Variants in MYLK observed in about 807,000 individuals in gnomAD.
MYLK encodes the protein myosin light chain kinase, smooth muscle.
A neutral mutation model predicts 203.4 loss-of-function variants in MYLK; 106 were observed. The observed-to-expected ratio is 0.52, with a 90% CI of 0.45 to 0.61. The LOEUF (loss-of-function observed/expected upper bound fraction) is 0.61, where lower values mean the gene tolerates loss of function less well. MYLK is among the 20% of genes least tolerant of loss of function. MYLK has a pLI of 0.00. For synonymous variants in MYLK, 867 were observed against 959.5 expected (o/e 0.90, Z 1.78); for missense variants, 2,072 against 2,442.3 (o/e 0.85, Z 3.20).
chr3:123,771,549 G>A (rs901453379), intron 4 of MYLK, among the ~76,000 whole-genome samples: 1 of 151,996 alleles, frequency 6.6e-6, no homozygotes, highest in Admixed American at 6.5e-5. Context: ...TCTAGTCTTT[G>A]ATTTTGCGAG....
intron 2 of MYLK, among the ~76,000 whole-genome samples, chr3:123,853,050 T>C (rs2031002567): frequency 6.6e-6 from 1 of 152,044 alleles, no homozygotes; most frequent in Non-Finnish European, 1.5e-5. Context: ...TAGCACACCT[T>C]ATCTTGTCAA....
At chr3:123,869,677 C>G (rs2032607825) in intron 2 of MYLK, among the ~76,000 whole-genome samples, 1 of 152,166 alleles carries the variant, frequency 6.6e-6, no homozygotes, top group South Asian at 2.1e-4. Context: ...CCTCTGTCAG[C>G]CCAGGAGAGA....
chr3:123,620,425 C>T, intron 31 of MYLK, 89 bp from the exon 32 acceptor site: 1 of 1,602,448 alleles, frequency 6.2e-7, no homozygotes, highest in Non-Finnish European at 8.5e-7. Context: ...GAGCCCAGCC[C>T]CAGAGAAGCA....
chr3:123,827,652 T>C (rs1363150675), intron 3 of MYLK, among the ~76,000 whole-genome samples: 3 of 126,912 alleles, frequency 2.4e-5, no homozygotes, highest in African/African-American at 5.9e-5. Flanking sequence ...CAAGAAATGC[T>C]CAAGGGATTC....
intron 4 of MYLK, among the ~76,000 whole-genome samples, chr3:123,766,681 G>A (rs1034313026): frequency 7.2e-5 from 11 of 152,266 alleles, no homozygotes; most frequent in African/African-American, 1.2e-4. Context: ...ATTCCAGGTC[G>A]TGCCAGCACA....
At chr3:123,793,149 G>T (rs903318226) in intron 4 of MYLK, among the ~76,000 whole-genome samples, 10 of 152,182 alleles carry the variant, frequency 6.6e-5, no homozygotes, top group Non-Finnish European at 1.2e-4. Context: ...TGTAGAAGAA[G>T]AAGTGGAGTC....
intron 2 of MYLK, among the ~76,000 whole-genome samples, chr3:123,844,180 T>C (rs931712393): frequency 3.9e-5 from 6 of 152,066 alleles, no homozygotes; most frequent in Non-Finnish European, 7.4e-5. Flanking sequence ...AGGACCTTGG[T>C]TTGGGGGAGG....
At position 123,666,210 on chromosome 3, in the gene MYLK, G is replaced by A. The variant is rs200743309; in HGVS notation, c.3831+9C>T. On this transcript the variant is annotated intron_variant, in intron 22 of 33. Transcript: ENST00000360304. The stretch of plus-strand genomic sequence containing the variant: ...GCACCCCCAGTGCCCACCCCATACC[G>A]TCACTGACCTGCTTTCGGAACTTCA... 1.5e-5 allele frequency: 25 copies of A among 1,614,036 alleles called. 1 individual carries two copies. Among genetic ancestry groups the A allele is most frequent in the South Asian group, 1.4e-4 (13 of 91,086 alleles).
At chr3:123,696,008 C>T (rs2060909920) in intron 18 of MYLK, among the ~76,000 whole-genome samples, 1 of 152,146 alleles carries the variant, frequency 6.6e-6, no homozygotes, top group African/African-American at 2.4e-5. Context: ...TCTAGGGGTA[C>T]AGGAAGAGGA....
chr3:123,827,067 A>G (rs994515278), intron 3 of MYLK, among the ~76,000 whole-genome samples: 1 of 152,238 alleles, frequency 6.6e-6, no homozygotes, highest in Admixed American at 6.5e-5. Flanking sequence ...ACAGAATCCA[A>G]TCATAAGGAA....
At chr3:123,774,708 A>G (rs916443748) in intron 4 of MYLK, among the ~76,000 whole-genome samples, 1 of 152,146 alleles carries the variant, frequency 6.6e-6, no homozygotes, top group Non-Finnish European at 1.5e-5. Context: ...GTTAAACACC[A>G]CACCCTTATT....
At chr3:123,792,474 C>G (rs1330353838) in intron 4 of MYLK, among the ~76,000 whole-genome samples, 1 of 152,146 alleles carries the variant, frequency 6.6e-6, no homozygotes. Context: ...CTGGTGACCA[C>G]CTTTCTACTT....
At position 123,691,218 on chromosome 3, in the gene MYLK, G is replaced by A. The variant is rs571187439; in HGVS notation, c.3565+1517C>T. 3.3e-5 allele frequency: 5 copies of A among 152,208 alleles called. No individual in the cohort carries two copies. The East Asian group carries it at 7.7e-4, about 24-fold the overall frequency. The allele number at this position is 152,208 out of a possible 1,614,324, so 9.4% of individuals were successfully genotyped here. On this transcript the variant is annotated intron_variant, in intron 19 of 33. Coordinates refer to ENST00000360304, the MANE Select transcript of MYLK (RefSeq NM_053025.4). ...CTTCAAGGATCATGTTTTCAGAAAC[G>A]CTATACTTTACAGTGCAGCACCTGT...
intron 18 of MYLK, among the ~76,000 whole-genome samples, chr3:123,696,775 G>GTCCA (rs751476342): frequency 6.6e-6 from 1 of 152,168 alleles, no homozygotes; most frequent in Non-Finnish European, 1.5e-5. Flanking sequence ...TGGGCACAGA[G>GTCCA]TCCACCAAAA....
At chr3:123,809,312 G>A (rs898040926) in intron 3 of MYLK, among the ~76,000 whole-genome samples, 6 of 152,134 alleles carry the variant, frequency 3.9e-5, no homozygotes, top group African/African-American at 1.2e-4. Flanking sequence ...ATCACTTGAG[G>A]TCAGGAGTTC....
chr3:123,694,717 G>T (rs1429799321), intron 18 of MYLK, among the ~76,000 whole-genome samples: 1 of 152,212 alleles, frequency 6.6e-6, no homozygotes, highest in African/African-American at 2.4e-5. Context: ...ATGTGGACCC[G>T]GCCCCTGCCT....
intron 10 of MYLK, 74 bp downstream of exon 10, chr3:123,733,613 G>A (rs2062563836): frequency 2.6e-6 from 4 of 1,559,244 alleles, no homozygotes; most frequent in African/African-American, 1.4e-5. Context: ...CAGACTAGCT[G>A]GGTGCTGAAG....
chr3:123,829,678 T>C (rs2066257142), intron 3 of MYLK, among the ~76,000 whole-genome samples: 1 of 152,238 alleles, frequency 6.6e-6, no homozygotes, highest in Non-Finnish European at 1.5e-5. Context: ...CATATATTAA[T>C]TATATCAAAA....
intron 29 of MYLK, among the ~76,000 whole-genome samples, chr3:123,630,086 CAAG>C (rs2058347106): frequency 6.6e-6 from 1 of 152,114 alleles, no homozygotes; most frequent in Non-Finnish European, 1.5e-5. Context: ...CCTTCAGCTC[CAAG>C]AAGAGGGCCC....
Sources: gnomAD v4.1 joint callset for allele counts (sites outside exome capture counted in the v4.1 genomes callset) on GRCh38, gnomAD v4.1.1 for gene constraint, MANE v1.5 for transcripts, NCBI Gene and HGNC (gene_info 2026-07-23, HGNC 2026-07-21) for gene names.